The following DGLUCY variants were observed in gnomAD, a reference collection of about 807,000 sequenced individuals.
DGLUCY encodes D-glutamate cyclase, mitochondrial.
DGLUCY carries 58 observed loss-of-function variants against 58.5 expected under a neutral mutation model. The observed-to-expected ratio is 0.99, with a 90% CI of 0.80 to 1.23. The LOEUF is 1.23. DGLUCY is among the 50% of genes most tolerant of loss of function. DGLUCY has a pLI of 0.00. For missense variants in DGLUCY, 779 were observed against 784.7 expected, an observed-to-expected ratio of 0.99 and a Z score of 0.09; for synonymous variants, 325 against 314.1, an observed-to-expected ratio of 1.03 and a Z score of -0.37.
upstream of DGLUCY, among the ~76,000 whole-genome samples, chr14:91,107,640 G>T (rs2044615035): frequency 6.6e-6 from 1 of 152,220 alleles, no homozygotes; most frequent in Non-Finnish European, 1.5e-5. Context: ...CATGTGTCAG[G>T]CTCTGTTGGA....
At chr14:91,210,772 T>G (rs761884951) in intron 12 of DGLUCY, among the ~76,000 whole-genome samples, 13 of 152,152 alleles carry the variant, frequency 8.5e-5, no homozygotes, top group Non-Finnish European at 1.3e-4. Context: ...TAATTAATGG[T>G]GAGAAACTAG....
chr14:91,191,143 G>C (rs548127039), intron 9 of DGLUCY, among the ~76,000 whole-genome samples: 37 of 152,334 alleles, frequency 2.4e-4, no homozygotes, highest in African/African-American at 8.9e-4. Context: ...GACCTGAGGT[G>C]TAAGTGACAC....
rs1384721923 is a variant in DGLUCY at position 91,077,825 on chromosome 14, GAGAA to G, written c.-82+17125_-82+17128del. ...AGAAGAAAGGAGAGAGAGAAAGAAA[GAGAA>G]AGAGGAAAGGAAGAAAGAGAGGAAT... is the stretch of plus-strand genomic sequence containing the variant. On this transcript the variant is annotated intron_variant, in intron 1 of 4. Coordinates refer to the DGLUCY transcript ENST00000521334. Among the ~76,000 whole-genome samples the G allele has an allele frequency of 1.1e-4, 17 of 150,196 alleles. No individual in the cohort carries two copies. In the East Asian group the frequency reaches 2.4e-3, roughly 21 times the overall value.
At chr14:91,178,774 T>G (rs1317631443) in intron 7 of DGLUCY, among the ~76,000 whole-genome samples, 1 of 152,206 alleles carries the variant, frequency 6.6e-6, no homozygotes, top group Non-Finnish European at 1.5e-5. Flanking sequence ...CTTACGCCTG[T>G]AATCCCAGCA....
At chr14:91,135,267 A>G (rs1277674333) in intron 1 of DGLUCY, among the ~76,000 whole-genome samples, 2 of 152,022 alleles carry the variant, frequency 1.3e-5, no homozygotes, top group African/African-American at 4.8e-5. Flanking sequence ...TTGTTCTACT[A>G]CACAGGCTGG....
chr14:91,128,630 C>G (rs2045860896), intron 1 of DGLUCY: 1 of 152,036 alleles, frequency 6.6e-6, no homozygotes, highest in Non-Finnish European at 1.5e-5. Context: ...TTTCTCACCC[C>G]CCCTTTGTCC....
intron 12 of DGLUCY, among the ~76,000 whole-genome samples, chr14:91,214,977 C>T (rs1054342518): frequency 8.5e-5 from 13 of 152,164 alleles, no homozygotes; most frequent in Admixed American, 3.3e-4. Context: ...GGTGAAACCC[C>T]GTCCCTTCTA....
At chr14:91,202,058 A>AAATAAAAATAATAATAATAATAAT (rs1555405471) in intron 11 of DGLUCY, among the ~76,000 whole-genome samples, 1 of 142,576 alleles carries the variant, frequency 7.0e-6, no homozygotes, top group Non-Finnish European at 1.5e-5. Context: ...TCTGTCTCAA[A>AAATAAAAATAATAATAATAATAAT]AATAATAATA....
intron 8 of DGLUCY, among the ~76,000 whole-genome samples, chr14:91,186,200 T>C (rs1460283714): frequency 6.6e-6 from 1 of 152,152 alleles, no homozygotes; most frequent in Non-Finnish European, 1.5e-5. Flanking sequence ...CCCTAGGAAG[T>C]AGGTTACATC....
At chr14:91,094,162 C>T (rs2044355704) in intron 1 of DGLUCY, among the ~76,000 whole-genome samples, 1 of 152,092 alleles carries the variant, frequency 6.6e-6, no homozygotes, top group Non-Finnish European at 1.5e-5. Context: ...ACAGGCTGGG[C>T]ACGGTAGCTC....
intron 12 of DGLUCY, among the ~76,000 whole-genome samples, chr14:91,207,540 A>G (rs1884954158): frequency 6.6e-6 from 1 of 152,198 alleles, no homozygotes. Context: ...AGAGAACACT[A>G]AAGAGGATAA....
At chr14:91,089,980 C>T (rs76593431) in intron 1 of DGLUCY, among the ~76,000 whole-genome samples, 7,395 of 152,272 alleles carry the variant, frequency 0.049, 548 homozygotes, top group East Asian at 0.2. Flanking sequence ...AACCTCTATG[C>T]ACCCTACATA....
chr14:91,130,032 A>AT (rs1219622708), intron 1 of DGLUCY, among the ~76,000 whole-genome samples: 3 of 152,100 alleles, frequency 2.0e-5, no homozygotes, highest in African/African-American at 7.2e-5. Context: ...ACATTGTATG[A>AT]TTTTCCCACA....
chr14:91,182,810 T>C (rs941269617), intron 8 of DGLUCY, among the ~76,000 whole-genome samples: 1 of 152,222 alleles, frequency 6.6e-6, no homozygotes, highest in Non-Finnish European at 1.5e-5. Flanking sequence ...AGGGGAAGGA[T>C]AGCCCTTCTG....
intron 12 of DGLUCY, among the ~76,000 whole-genome samples, chr14:91,214,444 G>A (rs764742049): frequency 1.3e-5 from 2 of 152,208 alleles, no homozygotes; most frequent in African/African-American, 2.4e-5. Flanking sequence ...GCTGATTTGG[G>A]AGTGATCTTT....
chr14:91,182,781 A>G (rs2049264249), intron 8 of DGLUCY, among the ~76,000 whole-genome samples: 1 of 152,186 alleles, frequency 6.6e-6, no homozygotes. Context: ...GTCAACTTGT[A>G]TATTGTATAA....
chr14:91,224,605 C>T, intron 13 of DGLUCY, 79 bp from the exon 14 acceptor site: 4 of 1,388,870 alleles, frequency 2.9e-6, no homozygotes, highest in Non-Finnish European at 3.8e-6. Flanking sequence ...AAGGATCCTT[C>T]TCACTTATAA....
chr14:91,085,492 G>C (rs1203936526), intron 1 of DGLUCY, among the ~76,000 whole-genome samples: 1 of 151,686 alleles, frequency 6.6e-6, no homozygotes, highest in Admixed American at 6.6e-5. Flanking sequence ...CAGTATCCAT[G>C]GAAGATTGGT....
chr14:91,176,968 C>T (rs2048892432), intron 7 of DGLUCY, among the ~76,000 whole-genome samples: 1 of 151,576 alleles, frequency 6.6e-6, no homozygotes, highest in African/African-American at 2.4e-5. Context: ...TTCTCTCTCT[C>T]TCCCTTCCTT....
Sources: gnomAD v4.1 joint callset for allele counts (sites outside exome capture counted in the v4.1 genomes callset) on GRCh38, gnomAD v4.1.1 for gene constraint, MANE v1.5 for transcripts, NCBI Gene and HGNC (gene_info 2026-07-23, HGNC 2026-07-21) for gene names.